The following IL2RB variants were observed in gnomAD, a reference collection of about 807,000 sequenced individuals.
IL2RB encodes the protein interleukin-2 receptor subunit beta.
In IL2RB, 17 loss-of-function variants were observed where a neutral mutation model predicts 44.2. That is an observed-to-expected ratio of 0.38 (90% confidence interval 0.26 to 0.58). The LOEUF is 0.58. IL2RB is among the 20% of genes least tolerant of loss of function. The pLI, the probability that IL2RB is intolerant of heterozygous loss-of-function variation, is 0.63. For synonymous variants in IL2RB, 286 were observed against 297.9 expected (o/e 0.96, Z 0.41); for missense variants, 624 against 685.5 (o/e 0.91, Z 1.00).
intron 5 of IL2RB, 130 bp from the exon 6 acceptor site, chr22:37,137,865 C>A: frequency 1.3e-6 from 1 of 742,074 alleles, no homozygotes; most frequent in Non-Finnish European, 2.2e-6. Context: ...CCAGGACCCG[C>A]TCCCTCACTG....
At chr22:37,140,084 G>A (rs1921890145) in intron 4 of IL2RB, among the ~76,000 whole-genome samples, 2 of 152,192 alleles carry the variant, frequency 1.3e-5, no homozygotes, top group South Asian at 4.1e-4. Context: ...AGGCCTCTTA[G>A]GATCTGGGGT....
At position 37,128,487 on chromosome 22, in the gene IL2RB, G is replaced by A. The variant is rs1921250290; in HGVS notation, c.1265C>T (p.Pro422Leu). Residue 422 changes from proline (P) to leucine (L), a missense_variant, in exon 10 of 10, where the codon CCC (proline) becomes CTC (leucine). Physicochemically the swap from Pro to Leu is moderately conservative, Grantham distance 98 (BLOSUM62 -3). This residue lies in a region of IL2RB where 291 missense variants were observed against 275.5 expected (regional missense o/e 1.06). Transcript: ENST00000216223. This position sits in a 1 kb window ranked among gnomAD's most constrained non-coding sequence, Gnocchi z 4.5. ...GAAGAGCAGCAGGTCATCCCTGGAG[G>A]GGAAGGTGCAGTAGGCGTCGTCCTC... Reference protein sequence around the residue: ...SGEDDAYCTFPSRDDLLLFSP... With the variant: ...SGEDDAYCTFLSRDDLLLFSP... The A allele has an allele frequency of 6.2e-7, 1 of 1,600,708 alleles. No homozygotes were observed. The highest frequency in any genetic ancestry group is 8.5e-7 in the Non-Finnish European group (1 of 1,170,824).
intron 8 of IL2RB, among the ~76,000 whole-genome samples, chr22:37,132,789 G>A (rs780497628): frequency 3.3e-5 from 5 of 152,204 alleles, no homozygotes; most frequent in African/African-American, 4.8e-5. Flanking sequence ...GGTGGGGGTC[G>A]ATGGGGGTGA....
rs529056786 is a variant in IL2RB, at chr22:37,132,008, A to G, written c.903+376T>C. Among the ~76,000 whole-genome samples the G allele has an allele frequency of 1.6e-4, 24 of 152,328 alleles. No individual in the cohort carries two copies. The South Asian group carries it at 5.0e-3, about 32-fold the overall frequency. On this transcript the variant is annotated intron_variant, in intron 9 of 9. Transcript: ENST00000216223. ...CACAGCCTCCCAAAGTGCTGGGATTACAGGCATGAACCACTGCACCCAGCC... is the reference window on the plus strand; with the variant it reads ...CACAGCCTCCCAAAGTGCTGGGATTGCAGGCATGAACCACTGCACCCAGCC...
chr22:37,145,282 G>C (rs1922169999), intron 1 of IL2RB, among the ~76,000 whole-genome samples: 1 of 152,210 alleles, frequency 6.6e-6, no homozygotes, highest in Non-Finnish European at 1.5e-5. Context: ...AAGCTCCCTG[G>C]AGGCAGGGCC....
In IL2RB at chr22:37,144,308, A is replaced by C. The variant is rs1360205981; in HGVS notation, c.-33-103T>G. The C allele has an allele frequency of 6.4e-6, 9 of 1,398,584 alleles. No homozygotes were observed. The African/African-American group carries it at 1.2e-4, about 18-fold the overall frequency. The allele number at this position is 1,398,584 out of a possible 1,614,324, so 86.6% of individuals were successfully genotyped here. A position where few individuals can be genotyped will look rare whatever the true frequency, so the allele number is the denominator to read the frequency against. On this transcript the variant is annotated intron_variant, in intron 1 of 9. Transcript: ENST00000216223. Reference sequence around the variant, plus strand: ...CGCCCCCTCAGTGTGCATGGTCTGCACTCCTCGGTGCCAGCTCAGTCCAGC... The same window carrying C: ...CGCCCCCTCAGTGTGCATGGTCTGCCCTCCTCGGTGCCAGCTCAGTCCAGC...
chr22:37,143,474 T>G, intron 3 of IL2RB, 47 bp downstream of exon 3: 44 of 1,270,916 alleles, frequency 3.5e-5, no homozygotes, highest in Non-Finnish European at 4.5e-5. Context: ...ATCCAGAATA[T>G]GAGATCCCAC....
chr22:37,174,006 C>G (rs1923370540), intron 1 of IL2RB, among the ~76,000 whole-genome samples: 1 of 152,176 alleles, frequency 6.6e-6, no homozygotes, highest in Non-Finnish European at 1.5e-5. Context: ...CTCTCAACAG[C>G]TTCTCCCCAC....
intron 1 of IL2RB, among the ~76,000 whole-genome samples, chr22:37,145,853 C>A (rs2146248149): frequency 6.6e-6 from 1 of 152,184 alleles, no homozygotes; most frequent in East Asian, 1.9e-4. Context: ...GCTGTTCCCC[C>A]TTCTCCAGCG....
intron 5 of IL2RB, 78 bp downstream of exon 5, chr22:37,139,039 G>A: frequency 1.1e-6 from 1 of 922,224 alleles, no homozygotes; most frequent in Non-Finnish European, 1.8e-6. Context: ...AAAGGCTGGA[G>A]CAGGGAAGAT....
intron 1 of IL2RB, among the ~76,000 whole-genome samples, chr22:37,146,868 C>T (rs998910799): frequency 6.6e-6 from 1 of 151,994 alleles, no homozygotes; most frequent in Non-Finnish European, 1.5e-5. Context: ...TCGTGGCTTA[C>T]ATCAGAGCCA....
intron 1 of IL2RB, among the ~76,000 whole-genome samples, chr22:37,156,369 AG>A (rs1362311551): frequency 1.3e-5 from 2 of 152,256 alleles, no homozygotes; most frequent in South Asian, 4.1e-4. Context: ...AGAAGAAAAC[AG>A]TGACCTAAAA....
At chr22:37,131,574 G>A (rs998482652) in intron 9 of IL2RB, among the ~76,000 whole-genome samples, 2 of 152,174 alleles carry the variant, frequency 1.3e-5, no homozygotes, top group African/African-American at 2.4e-5. Flanking sequence ...AAAGTGACGG[G>A]AAGACTTGTT....
At chr22:37,150,298 C>T (rs1417060484), upstream of IL2RB, among the ~76,000 whole-genome samples, 1 of 152,112 alleles carries the variant, frequency 6.6e-6, no homozygotes, top group Non-Finnish European at 1.5e-5. Context: ...AGGCTTCACA[C>T]AAGCAGGTCC....
At chr22:37,154,762 G>C (rs974788167), upstream of IL2RB, among the ~76,000 whole-genome samples, 47 of 152,034 alleles carry the variant, frequency 3.1e-4, no homozygotes, top group African/African-American at 1.1e-3. Flanking sequence ...TTTCAGTAGA[G>C]ATGGGGTTTC....
In IL2RB at chr22:37,132,322, T is replaced by G. The variant is rs2072861; in HGVS notation, c.903+62A>C. The G allele has an allele frequency of 0.33, 431,705 of 1,316,772 alleles. 74,073 individuals are homozygous for G. Among genetic ancestry groups the G allele is most frequent in the East Asian group, 0.62 (26,002 of 42,138 alleles). The allele number at this position is 1,316,772 out of a possible 1,614,324, so 81.6% of individuals were successfully genotyped here. ...CAAAACACAAAATTAGCTACTAACCTGCCACCCCCTCATCCCACTCACACC... is the reference window on the plus strand; with the variant it reads ...CAAAACACAAAATTAGCTACTAACCGGCCACCCCCTCATCCCACTCACACC... On this transcript the variant is annotated intron_variant, in intron 9 of 9. Transcript: ENST00000216223.
upstream of IL2RB, among the ~76,000 whole-genome samples, chr22:37,151,922 GTCAATGCA>G (rs1922504842): frequency 6.6e-6 from 1 of 152,166 alleles, no homozygotes; most frequent in Admixed American, 6.5e-5. Flanking sequence ...TGGTTCATTG[GTCAATGCA>G]TCTGTTTTTA....
chr22:37,146,080 A>T (rs1407966914), intron 1 of IL2RB, among the ~76,000 whole-genome samples: 1 of 152,166 alleles, frequency 6.6e-6, no homozygotes. Context: ...GTTCTGGGAC[A>T]ACTGTACCCT....
chr22:37,147,919 T>C (rs1922303052), intron 1 of IL2RB, among the ~76,000 whole-genome samples: 1 of 152,208 alleles, frequency 6.6e-6, no homozygotes, highest in Admixed American at 6.5e-5. Flanking sequence ...CCTATGCCCC[T>C]TCACGCTCAA....
Sources: gnomAD v4.1 joint callset for allele counts (sites outside exome capture counted in the v4.1 genomes callset) on GRCh38, gnomAD v4.1.1 for gene constraint, gnomAD v4.1.1 regional missense constraint, Gnocchi (gnomAD v3.1) non-coding constraint, MANE v1.5 for transcripts, NCBI Gene and HGNC (gene_info 2026-07-23, HGNC 2026-07-21) for gene names.